The following ANXA4 variants were observed in gnomAD, a reference collection of about 807,000 sequenced individuals.
The protein encoded by ANXA4 is annexin A4.
ANXA4 carries 39 observed loss-of-function variants against 49.8 expected under a neutral mutation model. The ratio of observed to expected loss-of-function variants is 0.78; its 90% CI spans 0.61 to 1.02. The LOEUF (loss-of-function observed/expected upper bound fraction) is 1.02. Among genes scored for constraint, ANXA4 ranks in the 50% least tolerant of loss-of-function variants. ANXA4 has a pLI of 0.00. For synonymous variants in ANXA4, 134 were observed against 152.5 expected, an observed-to-expected ratio of 0.88 and a Z score of 0.89; for missense variants, 360 against 410.1, an observed-to-expected ratio of 0.88 and a Z score of 1.05.
chr2:69,802,395 A>G (rs549468224), intron 3 of ANXA4, among the ~76,000 whole-genome samples: 1 of 152,316 alleles, frequency 6.6e-6, no homozygotes. Context: ...ACTTGAATGA[A>G]GAGGAAAGGA....
At chr2:69,719,525 T>C (rs1669762437) in intron 2 of ANXA4, among the ~76,000 whole-genome samples, 1 of 151,802 alleles carries the variant, frequency 6.6e-6, no homozygotes, top group Non-Finnish European at 1.5e-5. Flanking sequence ...TTGCAAACTC[T>C]GCCTCCCGGG....
intron 2 of ANXA4, among the ~76,000 whole-genome samples, chr2:69,706,064 A>T (rs1678484752): frequency 6.6e-6 from 1 of 151,904 alleles, no homozygotes; most frequent in Non-Finnish European, 1.5e-5. Context: ...AAAAAGCATA[A>T]TATCTTCTTT....
chr2:69,807,995 G>C lies in ANXA4; in HGVS notation c.396G>C (p.Gln132His), dbSNP rs1673521686. The change falls in exon 6 of 13, where the codon CAG becomes CAC. Residue 132 changes from glutamine (Q) to histidine (H), a missense_variant and splice_region_variant. Gln to His is a conservative substitution (Grantham distance 24). Transcript: ENST00000394295. ...GGCGCATAAGCCAAACCTACCAGCA[G>C]CGTACGTGACATCCGCAGTGGCCCT... The part of the protein sequence containing the change: ...EIRRISQTYQ[Q>H]QYGRSLEDDI... The C allele has an allele frequency of 5.0e-6, 8 of 1,614,040 alleles. No homozygotes were observed. Among genetic ancestry groups the C allele is most frequent in the Non-Finnish European group, 6.8e-6 (8 of 1,179,946 alleles).
chr2:69,674,326 A>C (rs537217318), intron 2 of ANXA4: 1 of 152,196 alleles, frequency 6.6e-6, no homozygotes, highest in Non-Finnish European at 1.5e-5. Context: ...CACAATGAAA[A>C]ATAGATTCTG....
intron 2 of ANXA4, among the ~76,000 whole-genome samples, chr2:69,656,081 G>A (rs1676427691): frequency 6.6e-6 from 1 of 151,374 alleles, no homozygotes; most frequent in African/African-American, 2.4e-5. Flanking sequence ...TGTAGATGAT[G>A]GGTTGATGGG....
chr2:69,807,792 C>T (rs1249180252), intron 5 of ANXA4, 114 bp from the exon 6 acceptor site: 8 of 830,928 alleles, frequency 9.6e-6, no homozygotes, highest in Middle Eastern at 2.3e-4. Context: ...GTTGTTAGAA[C>T]GCAGTGGATT....
intron 2 of ANXA4, among the ~76,000 whole-genome samples, chr2:69,678,142 G>C (rs1049720937): frequency 9.2e-5 from 14 of 152,090 alleles, no homozygotes; most frequent in African/African-American, 2.9e-4. Context: ...ATATCTGCGA[G>C]GTTTATCTGT....
chr2:69,794,413 A>C (rs1488122257), intron 3 of ANXA4, among the ~76,000 whole-genome samples: 1 of 152,188 alleles, frequency 6.6e-6, no homozygotes, highest in Non-Finnish European at 1.5e-5. Flanking sequence ...CTCAAGCCTT[A>C]GTTAAAACTT....
At chr2:69,647,915 A>G (rs528784110) in intron 1 of ANXA4, among the ~76,000 whole-genome samples, 27 of 152,306 alleles carry the variant, frequency 1.8e-4, no homozygotes, top group Admixed American at 2.6e-4. Flanking sequence ...TATCTATTTT[A>G]TCAAAGAAAA....
At chr2:69,707,752 A>T (rs1161064628) in intron 2 of ANXA4, among the ~76,000 whole-genome samples, 1 of 152,180 alleles carries the variant, frequency 6.6e-6, no homozygotes, top group Non-Finnish European at 1.5e-5. Context: ...ATACTCTTTT[A>T]GTTATTTTAA....
intron 1 of ANXA4, among the ~76,000 whole-genome samples, chr2:69,747,524 T>C (rs1162920780): frequency 6.6e-6 from 1 of 152,210 alleles, no homozygotes; most frequent in Non-Finnish European, 1.5e-5. Flanking sequence ...CAGACCCTTA[T>C]AAGAATCTGA....
intron 2 of ANXA4, among the ~76,000 whole-genome samples, chr2:69,683,940 G>A (rs1251653843): frequency 6.6e-6 from 1 of 152,052 alleles, no homozygotes; most frequent in African/African-American, 2.4e-5. Flanking sequence ...TATGCATAAG[G>A]GCAACTTAGA....
chr2:69,725,115 A>G (rs1329810396), intron 3 of ANXA4, among the ~76,000 whole-genome samples: 2 of 152,216 alleles, frequency 1.3e-5, no homozygotes, highest in Non-Finnish European at 2.9e-5. Flanking sequence ...CAGGGAGCTC[A>G]GCTTCCTGAC....
In ANXA4 at chr2:69,806,615, T is replaced by G. The variant is rs1673453924; in HGVS notation, c.306+117T>G. On this transcript the variant is annotated intron_variant, in intron 5 of 12. Transcript: ENST00000394295. ...AAGCAACCTAAACGCCCATCAATGG[T>G]AGACTGGATAAAGAAAATGTGGTAC... 4.1e-6 allele frequency: 3 copies of G among 739,522 alleles called. No homozygotes were observed. In the Admixed American group the frequency reaches 6.8e-5, roughly 17 times the overall value. The allele number at this position is 739,522 out of a possible 1,614,324, so 45.8% of individuals were successfully genotyped here.
At chr2:69,793,417 C>G (rs761194811) in intron 3 of ANXA4, among the ~76,000 whole-genome samples, 110 of 152,316 alleles carry the variant, frequency 7.2e-4, no homozygotes, top group Non-Finnish European at 1.4e-3. Flanking sequence ...AAAGGTACCA[C>G]AGCTTTTACT....
At chr2:69,676,735 A>G (rs892955245) in intron 2 of ANXA4, among the ~76,000 whole-genome samples, 1 of 152,168 alleles carries the variant, frequency 6.6e-6, no homozygotes, top group Non-Finnish European at 1.5e-5. Context: ...TCTACCAAAA[A>G]TACAAAAATT....
At chr2:69,662,992 CTTTTTTTT>C (rs746269236) in intron 2 of ANXA4, among the ~76,000 whole-genome samples, 4 of 123,192 alleles carry the variant, frequency 3.2e-5, no homozygotes, top group East Asian at 2.5e-4. Context: ...TTTTCTTTTT[CTTTTTTTT>C]TTTTTTTTTT....
chr2:69,673,333 G>A (rs1488729727), intron 2 of ANXA4, among the ~76,000 whole-genome samples: 2 of 152,080 alleles, frequency 1.3e-5, no homozygotes, highest in Non-Finnish European at 2.9e-5. Context: ...CCATAAAAAA[G>A]GATGAGTTCA....
intron 1 of ANXA4, among the ~76,000 whole-genome samples, chr2:69,772,516 A>G (rs1193383782): frequency 1.5e-5 from 1 of 66,104 alleles, no homozygotes; most frequent in Non-Finnish European, 2.5e-5. Context: ...GCAATTGCTA[A>G]GAGAGGCTGT....
Sources: allele counts gnomAD v4.1 joint callset (sites outside exome capture counted in the v4.1 genomes callset), GRCh38; gene constraint gnomAD v4.1.1; transcripts MANE v1.5; gene names NCBI Gene and HGNC (gene_info 2026-07-23, HGNC 2026-07-21).